The following AP3B1 variants were observed in gnomAD, a reference collection of about 807,000 sequenced individuals.
AP3B1 encodes AP-3 complex subunit beta-1.
A neutral mutation model predicts 132.5 loss-of-function variants in AP3B1; 61 were observed. The ratio of observed to expected loss-of-function variants is 0.46; its 90% CI spans 0.37 to 0.57. AP3B1 has a LOEUF of 0.57. AP3B1 is among the 20% of genes least tolerant of loss of function. The probability of loss-of-function intolerance (pLI) is 0.00; values close to 1 mark genes in which losing one functional copy is unlikely to be tolerated. For missense variants in AP3B1, 1,120 were observed against 1,289.4 expected, an observed-to-expected ratio of 0.87 and a Z score of 2.01; for synonymous variants, 388 against 438.3, an observed-to-expected ratio of 0.89 and a Z score of 1.43.
intron 22 of AP3B1, among the ~76,000 whole-genome samples, chr5:78,077,117 A>G (rs537318768): frequency 6.6e-6 from 1 of 152,306 alleles, no homozygotes; most frequent in African/African-American, 2.4e-5. Context: ...ACAACAACAA[A>G]TTAGGCCTTT....
chr5:78,233,499 T>C (rs1489392457), intron 3 of AP3B1, among the ~76,000 whole-genome samples: 3 of 151,800 alleles, frequency 2.0e-5, no homozygotes, highest in Non-Finnish European at 4.4e-5. Flanking sequence ...CCTCCCAAAG[T>C]GCTGGGATTA....
chr5:78,231,027 A>G (rs10055788), intron 3 of AP3B1, among the ~76,000 whole-genome samples: 50,523 of 151,522 alleles, frequency 0.33, 8,526 homozygotes, highest in Middle Eastern at 0.43. Context: ...GGCTGAGGCA[A>G]GAGAATTGCT....
intron 1 of AP3B1, among the ~76,000 whole-genome samples, chr5:78,292,987 T>C (rs1427731225): frequency 1.3e-5 from 2 of 152,198 alleles, no homozygotes; most frequent in Non-Finnish European, 1.5e-5. Context: ...CAAGCGATTC[T>C]CCTGCCTCAG....
intron 24 of AP3B1, among the ~76,000 whole-genome samples, chr5:78,032,752 A>G (rs1159602344): frequency 2.6e-5 from 4 of 152,074 alleles, no homozygotes; most frequent in Non-Finnish European, 4.4e-5. Context: ...AATAATTTGT[A>G]TCTTTATAAT....
intron 2 of AP3B1, among the ~76,000 whole-genome samples, chr5:78,264,221 C>G (rs1002299221): frequency 7.2e-5 from 11 of 152,114 alleles, no homozygotes; most frequent in African/African-American, 2.7e-4. Flanking sequence ...AATTTTTAAA[C>G]CCAGTTTTTT....
chr5:78,122,447 C>T (rs973920469), intron 17 of AP3B1, among the ~76,000 whole-genome samples: 17 of 152,136 alleles, frequency 1.1e-4, no homozygotes, highest in Non-Finnish European at 1.9e-4. Context: ...TCTAGAAAAC[C>T]CATCGTCTCA....
intron 7 of AP3B1, among the ~76,000 whole-genome samples, chr5:78,199,404 A>AT (rs1274122658): frequency 5.3e-5 from 8 of 152,170 alleles, no homozygotes; most frequent in African/African-American, 1.9e-4. Flanking sequence ...AAACTAAATA[A>AT]TGTAGATCCA....
chr5:78,177,288 T>A (rs755599834), intron 9 of AP3B1, 51 bp downstream of exon 9: 2 of 1,218,852 alleles, frequency 1.6e-6, no homozygotes, highest in African/African-American at 1.5e-5. Flanking sequence ...TGTTCAAACA[T>A]TACTTTTGAA....
chr5:78,225,666 G>A, intron 5 of AP3B1, 58 bp from the exon 6 acceptor site: 1 of 1,082,720 alleles, frequency 9.2e-7, no homozygotes, highest in Non-Finnish European at 1.4e-6. Context: ...TTTACATGAT[G>A]CTCACCAATT....
intron 22 of AP3B1, among the ~76,000 whole-genome samples, chr5:78,068,522 A>G (rs1749390539): frequency 1.3e-5 from 2 of 152,160 alleles, no homozygotes; most frequent in Admixed American, 6.5e-5. Flanking sequence ...TAGAAAATCT[A>G]GAAGAAATGG....
At chr5:78,012,837 A>G (rs1746675425) in intron 26 of AP3B1, among the ~76,000 whole-genome samples, 1 of 152,232 alleles carries the variant, frequency 6.6e-6, no homozygotes, top group Non-Finnish European at 1.5e-5. Flanking sequence ...CCTCTGTATT[A>G]GCATGGACAA....
chr5:78,039,006 A>T (rs1363764556), intron 23 of AP3B1, 37 bp downstream of exon 23: 1 of 1,274,630 alleles, frequency 7.8e-7, no homozygotes, highest in African/African-American at 1.5e-5. Flanking sequence ...TTAGTGATCA[A>T]ATATAGTTAA....
intron 13 of AP3B1, among the ~76,000 whole-genome samples, chr5:78,161,664 C>T (rs2112368478): frequency 6.6e-6 from 1 of 151,982 alleles, no homozygotes; most frequent in East Asian, 1.9e-4. Context: ...AATTTTAAAC[C>T]TATCGTCTTG....
chr5:78,056,689 T>A lies in AP3B1; in HGVS notation c.2578-17415A>T, dbSNP rs77320343. ...TCTAAATGATGTTGATGTTAAAAAA[T>A]ATAGTATCACCATTTAACAGCCTTT... is the stretch of plus-strand genomic sequence containing the variant. On this transcript the variant is annotated intron_variant, in intron 22 of 26. Coordinates refer to ENST00000255194, the MANE Select transcript of AP3B1 (RefSeq NM_003664.5). Among the ~76,000 whole-genome samples, 242 of 152,332 alleles carry A rather than the reference T, an allele frequency of 1.6e-3. 2 individuals carry two copies. Among genetic ancestry groups the A allele is most frequent in the Middle Eastern group, 3.4e-3 (1 of 294 alleles).
intron 3 of AP3B1, among the ~76,000 whole-genome samples, chr5:78,238,207 C>T (rs961207306): frequency 4.6e-5 from 7 of 152,160 alleles, no homozygotes; most frequent in African/African-American, 1.7e-4. Context: ...AAACTGCACA[C>T]AAGAGGGATC....
chr5:78,061,926 G>A (rs991994361), intron 22 of AP3B1, among the ~76,000 whole-genome samples: 3 of 152,182 alleles, frequency 2.0e-5, no homozygotes, highest in African/African-American at 7.2e-5. Context: ...AAGGCAAAGT[G>A]ATTGATGAAA....
chr5:78,191,148 T>C (rs1467297786), intron 7 of AP3B1, among the ~76,000 whole-genome samples: 1 of 152,080 alleles, frequency 6.6e-6, no homozygotes, highest in Non-Finnish European at 1.5e-5. Context: ...TAAGATTATA[T>C]AGTTCTATTT....
chr5:78,170,576 T>C (rs1237890880), intron 11 of AP3B1, among the ~76,000 whole-genome samples: 1 of 152,208 alleles, frequency 6.6e-6, no homozygotes, highest in African/African-American at 2.4e-5. Flanking sequence ...TGTCTGTTCA[T>C]ATACTTTGCC....
At chr5:78,052,612 G>T (rs1748630229) in intron 22 of AP3B1, among the ~76,000 whole-genome samples, 1 of 152,166 alleles carries the variant, frequency 6.6e-6, no homozygotes. Context: ...CTGCAAAGCT[G>T]AACATCTTTA....
Sources: gnomAD v4.1 joint callset for allele counts (sites outside exome capture counted in the v4.1 genomes callset) on GRCh38, gnomAD v4.1.1 for gene constraint, MANE v1.5 for transcripts, NCBI Gene and HGNC (gene_info 2026-07-23, HGNC 2026-07-21) for gene names.